PRIM2: variants seen among roughly 807,000 people sequenced by gnomAD.
PRIM2 encodes the protein DNA primase subunit 2.
Under a neutral mutation model 67.3 loss-of-function variants are expected in PRIM2, and 39 were observed. The ratio of observed to expected loss-of-function variants is 0.58; its 90% CI spans 0.45 to 0.76. The LOEUF (loss-of-function observed/expected upper bound fraction) is 0.76, where lower values mean the gene tolerates loss of function less well. PRIM2 is among the 30% of genes least tolerant of loss of function. The probability of loss-of-function intolerance (pLI) is 0.00; values close to 1 mark genes in which losing one functional copy is unlikely to be tolerated. For missense variants in PRIM2, 398 were observed against 598.7 expected, an observed-to-expected ratio of 0.66 and a Z score of 3.50; for synonymous variants, 143 against 198.7, an observed-to-expected ratio of 0.72 and a Z score of 2.36.
chr6:57,409,794 A>C (rs1383076108), intron 7 of PRIM2, among the ~76,000 whole-genome samples: 8 of 149,664 alleles, frequency 5.3e-5, no homozygotes, highest in African/African-American at 2.0e-4. Flanking sequence ...AGAGCAACAA[A>C]GTTTTACAAT....
intron 4 of PRIM2, 41 bp from the exon 5 acceptor site, chr6:57,325,884 G>T: frequency 1.3e-6 from 2 of 1,520,448 alleles, no homozygotes; most frequent in Non-Finnish European, 8.8e-7. Flanking sequence ...AATAATTACT[G>T]GATTTTTAGT....
chr6:57,437,547 T>G (rs537406125), intron 7 of PRIM2, among the ~76,000 whole-genome samples: 11,881 of 152,154 alleles, frequency 0.078, 1,519 homozygotes, highest in African/African-American at 0.27. Flanking sequence ...ACAAAAAGTT[T>G]TTTTGAGGAG....
At chr6:57,324,803 A>T (rs1767790848) in intron 4 of PRIM2, among the ~76,000 whole-genome samples, 1 of 152,136 alleles carries the variant, frequency 6.6e-6, no homozygotes, top group South Asian at 2.1e-4. Flanking sequence ...TTGGTCACAT[A>T]ATTTAGTTAT....
At chr6:57,552,111 G>A (rs1304955458) in intron 10 of PRIM2, among the ~76,000 whole-genome samples, 4 of 152,146 alleles carry the variant, frequency 2.6e-5, no homozygotes, top group African/African-American at 9.7e-5. Context: ...AAAGTCAGTG[G>A]GTTCGGGGAA....
chr6:57,486,132 A>G (rs2127407380), intron 7 of PRIM2, among the ~76,000 whole-genome samples: 1 of 152,316 alleles, frequency 6.6e-6, no homozygotes, highest in East Asian at 1.9e-4. Context: ...GATGTCATTC[A>G]GAATGTCTGG....
At chr6:57,499,367 A>G (rs1387186727) in intron 7 of PRIM2, among the ~76,000 whole-genome samples, 2 of 152,216 alleles carry the variant, frequency 1.3e-5, no homozygotes, top group Non-Finnish European at 2.9e-5. Context: ...AACAACAGAA[A>G]CAAGGTCATT....
intron 7 of PRIM2, among the ~76,000 whole-genome samples, chr6:57,411,317 C>T (rs1441473842): frequency 6.6e-6 from 1 of 152,268 alleles, no homozygotes; most frequent in Non-Finnish European, 1.5e-5. Flanking sequence ...TTGCCTAGGC[C>T]TAGTAGCTTA....
At position 57,606,566 on chromosome 6, in the gene PRIM2, C is replaced by T. The variant is rs2127492994; in HGVS notation, c.1230+109C>T. The T allele has an allele frequency of 4.5e-6, 3 of 673,888 alleles. No homozygotes were observed. The South Asian group carries it at 5.8e-5, about 13-fold the overall frequency. 41.7% of individuals were successfully genotyped at this position (673,888 alleles called of 1,614,324 possible). ...GCTGTGTACTACTTGTCAGGCCTCA[C>T]ACCAGACATCTTATCTTCAAGATGA... On this transcript the variant is annotated intron_variant, in intron 12 of 13. Coordinates refer to ENST00000615550, the MANE Select transcript of PRIM2 (RefSeq NM_000947.5).
intron 7 of PRIM2, among the ~76,000 whole-genome samples, chr6:57,437,889 T>C (rs1772066029): frequency 6.6e-6 from 1 of 152,096 alleles, no homozygotes; most frequent in African/African-American, 2.4e-5. Flanking sequence ...GGTTTTGAAC[T>C]CAAGTGATCT....
At chr6:57,436,108 T>C (rs958414649) in intron 7 of PRIM2, among the ~76,000 whole-genome samples, 7 of 152,210 alleles carry the variant, frequency 4.6e-5, no homozygotes, top group African/African-American at 1.7e-4. Context: ...GTCTTCTCTT[T>C]TCCTGTTTAT....
intron 11 of PRIM2, among the ~76,000 whole-genome samples, chr6:57,603,039 A>G (rs1452673309): frequency 6.6e-6 from 1 of 152,252 alleles, no homozygotes; most frequent in African/African-American, 2.4e-5. Flanking sequence ...ATAGTTTACA[A>G]GAGTTCATTG....
intron 10 of PRIM2, among the ~76,000 whole-genome samples, chr6:57,588,023 C>G (rs1776225718): frequency 6.6e-6 from 1 of 152,012 alleles, no homozygotes; most frequent in Admixed American, 6.6e-5. Flanking sequence ...ATCGCATATA[C>G]CTTAGATAAT....
At chr6:57,287,906 A>G in the PRIM2 span, among the ~76,000 whole-genome samples, 1 of 152,154 alleles carries the variant, frequency 6.6e-6, no homozygotes, top group Admixed American at 6.5e-5. Flanking sequence ...TACGTGGTTC[A>G]TCTCATTGGG....
Position 57,623,813 on chromosome 6 carries a change from C to T in PRIM2, c.1231-8320C>T, listed in dbSNP as rs1172184814. ...TTTCATTCTTCTTGGTGGTGTTTACCATCAATTTGCAATGTATTTCTTGTT... is the reference window on the plus strand; with the variant it reads ...TTTCATTCTTCTTGGTGGTGTTTACTATCAATTTGCAATGTATTTCTTGTT... On this transcript the variant is annotated intron_variant, in intron 12 of 13. Transcript: ENST00000615550. Among the ~76,000 whole-genome samples, 245 of 151,820 alleles carry T rather than the reference C, an allele frequency of 1.6e-3. 1 individual carries two copies. Among genetic ancestry groups the T allele is most frequent in the Non-Finnish European group, 2.7e-3 (186 of 67,894 alleles).
chr6:57,497,102 A>G (rs1250570164), intron 7 of PRIM2, among the ~76,000 whole-genome samples: 1 of 152,250 alleles, frequency 6.6e-6, no homozygotes, highest in Non-Finnish European at 1.5e-5. Context: ...AATTAAACCT[A>G]TTTATAGTAA....
chr6:57,227,800 T>G, the PRIM2 span, among the ~76,000 whole-genome samples: 5 of 152,202 alleles, frequency 3.3e-5, no homozygotes, highest in African/African-American at 1.2e-4. Flanking sequence ...TCCAATTCTC[T>G]TAATGGGCAG....
At chr6:57,446,892 G>C (rs1772386443) in intron 7 of PRIM2, among the ~76,000 whole-genome samples, 2 of 152,152 alleles carry the variant, frequency 1.3e-5, no homozygotes. Context: ...TAGAAGTTGG[G>C]CTGGAAGGAG....
At chr6:57,617,725 A>G (rs1358323896) in intron 12 of PRIM2, among the ~76,000 whole-genome samples, 4 of 152,078 alleles carry the variant, frequency 2.6e-5, no homozygotes, top group Non-Finnish European at 5.9e-5. Context: ...CAACTTCTTA[A>G]TGTCTATTGG....
chr6:57,377,093 T>G (rs1223705831), intron 5 of PRIM2, among the ~76,000 whole-genome samples: 1 of 151,782 alleles, frequency 6.6e-6, no homozygotes, highest in South Asian at 2.1e-4. Flanking sequence ...TTTCACCATG[T>G]TGGCCAGGCT....
Sources: allele counts gnomAD v4.1 joint callset (sites outside exome capture counted in the v4.1 genomes callset), GRCh38; gene constraint gnomAD v4.1.1; transcripts MANE v1.5; gene names NCBI Gene and HGNC (gene_info 2026-07-23, HGNC 2026-07-21).